Variants in KCNAB1 observed in about 807,000 individuals in gnomAD.
KCNAB1 encodes voltage-gated potassium channel subunit beta-1.
Under a neutral mutation model 64.6 loss-of-function variants are expected in KCNAB1, and 35 were observed. That is an observed-to-expected ratio of 0.54 (90% CI 0.41 to 0.72). KCNAB1 has a LOEUF of 0.72. Among genes scored for constraint, KCNAB1 ranks in the 30% least tolerant of loss-of-function variants. KCNAB1 has a pLI of 0.00. For synonymous variants in KCNAB1, 177 were observed against 183.8 expected (o/e 0.96, Z 0.30); for missense variants, 401 against 512.9 (o/e 0.78, Z 2.11).
At chr3:156,129,249 T>C (rs1713846982) in intron 1 of KCNAB1, among the ~76,000 whole-genome samples, 1 of 152,242 alleles carries the variant, frequency 6.6e-6, no homozygotes. Flanking sequence ...GTTATCTTTT[T>C]GAGCCTTCGT....
At chr3:156,374,821 T>C (rs1348223503) in intron 1 of KCNAB1, among the ~76,000 whole-genome samples, 1 of 135,916 alleles carries the variant, frequency 7.4e-6, no homozygotes, top group Non-Finnish European at 1.5e-5. Flanking sequence ...ATACCTACTG[T>C]AATAAGTTGT....
intron 8 of KCNAB1, among the ~76,000 whole-genome samples, chr3:156,491,319 G>C (rs1481805046): frequency 6.6e-6 from 1 of 152,090 alleles, no homozygotes; most frequent in African/African-American, 2.4e-5. Flanking sequence ...GGACGATGGA[G>C]GGCTCTAGAA....
At chr3:156,190,907 G>A (rs901654603) in intron 1 of KCNAB1, among the ~76,000 whole-genome samples, 10 of 152,122 alleles carry the variant, frequency 6.6e-5, no homozygotes, top group African/African-American at 2.4e-4. Context: ...TGGCCAGGCT[G>A]GTCTCAAACT....
At chr3:156,355,458 A>G (rs773905747) in intron 1 of KCNAB1, among the ~76,000 whole-genome samples, 3 of 152,076 alleles carry the variant, frequency 2.0e-5, no homozygotes, top group Non-Finnish European at 4.4e-5. Context: ...TCAACACTCC[A>G]TTTGCCTGCT....
chr3:156,293,851 T>G (rs1041936479), intron 1 of KCNAB1, among the ~76,000 whole-genome samples: 14 of 152,260 alleles, frequency 9.2e-5, no homozygotes, highest in Non-Finnish European at 2.1e-4. Flanking sequence ...AGTGCTGCTC[T>G]GCATGCACTT....
chr3:156,281,574 G>A (rs1159511938), intron 1 of KCNAB1, among the ~76,000 whole-genome samples: 4 of 152,140 alleles, frequency 2.6e-5, no homozygotes, highest in East Asian at 1.9e-4. Flanking sequence ...GGTAGAATTC[G>A]GCTGTGAGTC....
chr3:156,327,116 A>G (rs1353565767), intron 1 of KCNAB1, among the ~76,000 whole-genome samples: 3 of 152,226 alleles, frequency 2.0e-5, no homozygotes, highest in Non-Finnish European at 4.4e-5. Context: ...CGTAAGAGCA[A>G]TAATAAAATA....
intron 1 of KCNAB1, among the ~76,000 whole-genome samples, chr3:156,243,745 G>C (rs1237035872): frequency 2.0e-5 from 3 of 152,214 alleles, no homozygotes; most frequent in East Asian, 3.8e-4. Context: ...TCTGTGATTA[G>C]ATTTGGCTAA....
chr3:156,207,556 G>A (rs1714747457), intron 1 of KCNAB1, among the ~76,000 whole-genome samples: 3 of 152,148 alleles, frequency 2.0e-5, no homozygotes, highest in Non-Finnish European at 2.9e-5. Context: ...AGTGATACAT[G>A]TATATTTCAG....
At chr3:156,123,415 T>C (rs2108253747) in intron 1 of KCNAB1, among the ~76,000 whole-genome samples, 1 of 152,374 alleles carries the variant, frequency 6.6e-6, no homozygotes, top group South Asian at 2.1e-4. Flanking sequence ...AGGATTGCTT[T>C]ATGTCCATAT....
intron 2 of KCNAB1, among the ~76,000 whole-genome samples, chr3:156,445,413 A>G (rs898463007): frequency 6.6e-6 from 1 of 152,232 alleles, no homozygotes; most frequent in Non-Finnish European, 1.5e-5. Context: ...GGATCTTTTA[A>G]AAATACTGAT....
chr3:156,353,869 G>A (rs1725021876), intron 1 of KCNAB1, among the ~76,000 whole-genome samples: 1 of 152,114 alleles, frequency 6.6e-6, no homozygotes, highest in Admixed American at 6.5e-5. Flanking sequence ...TTTGCTAGGA[G>A]TTATTGGGTC....
intron 1 of KCNAB1, among the ~76,000 whole-genome samples, chr3:156,124,552 A>G (rs1713537967): frequency 6.6e-6 from 1 of 152,046 alleles, no homozygotes; most frequent in African/African-American, 2.4e-5. Flanking sequence ...TAATGGATGA[A>G]TGTATTATAT....
intron 8 of KCNAB1, among the ~76,000 whole-genome samples, chr3:156,504,567 AT>A (rs577455990): frequency 4.7e-5 from 7 of 150,100 alleles, no homozygotes; most frequent in South Asian, 2.1e-4. Context: ...TCTTGCCAGC[AT>A]TTTTTTTTGT....
At chr3:156,328,152 C>T (rs527876218) in intron 1 of KCNAB1, among the ~76,000 whole-genome samples, 3 of 152,254 alleles carry the variant, frequency 2.0e-5, no homozygotes, top group African/African-American at 7.2e-5. Context: ...CTTGGCCTAT[C>T]AGGGAGCTGC....
chr3:156,535,678 C>G (rs182390356), intron 13 of KCNAB1, among the ~76,000 whole-genome samples: 94 of 152,322 alleles, frequency 6.2e-4, no homozygotes, highest in African/African-American at 2.1e-3. Context: ...TACCAATATA[C>G]TTCTAGTTAC....
intron 1 of KCNAB1, among the ~76,000 whole-genome samples, chr3:156,404,763 C>T (rs1200596551): frequency 6.6e-6 from 1 of 152,154 alleles, no homozygotes; most frequent in Non-Finnish European, 1.5e-5. Flanking sequence ...ATTCCAGCCT[C>T]CCACTACTAT....
intron 1 of KCNAB1, among the ~76,000 whole-genome samples, chr3:156,336,542 T>C (rs1723726358): frequency 6.6e-6 from 1 of 152,228 alleles, no homozygotes; most frequent in Non-Finnish European, 1.5e-5. Flanking sequence ...CCTTGAATTG[T>C]ACATGTTCAG....
intron 1 of KCNAB1, among the ~76,000 whole-genome samples, chr3:156,204,213 T>C (rs1276264902): frequency 6.6e-6 from 1 of 152,204 alleles, no homozygotes; most frequent in Admixed American, 6.5e-5. Flanking sequence ...TTCCAACCAC[T>C]ATATTTACTG....
Sources: allele counts gnomAD v4.1 joint callset (sites outside exome capture counted in the v4.1 genomes callset), GRCh38; gene constraint gnomAD v4.1.1; transcripts MANE v1.5; gene names NCBI Gene and HGNC (gene_info 2026-07-23, HGNC 2026-07-21).